Variants in BEND7 observed in about 807,000 individuals in gnomAD.
The protein encoded by BEND7 is BEN domain-containing protein 7.
Under a neutral mutation model 50.9 loss-of-function variants are expected in BEND7, and 28 were observed. The observed-to-expected ratio is 0.55, with a 90% CI of 0.41 to 0.75. The LOEUF is 0.75. BEND7 is among the 30% of genes least tolerant of loss of function. The probability of loss-of-function intolerance (pLI) is 0.00; values close to 1 mark genes in which losing one functional copy is unlikely to be tolerated. For synonymous variants in BEND7, 170 were observed against 183.9 expected (o/e 0.92, Z 0.61); for missense variants, 477 against 491.3 (o/e 0.97, Z 0.28).
intron 2 of BEND7, among the ~76,000 whole-genome samples, chr10:13,501,241 G>T (rs1473081332): frequency 6.6e-6 from 1 of 151,882 alleles, no homozygotes; most frequent in Non-Finnish European, 1.5e-5. Context: ...AGGCGTGGTG[G>T]CACATGCCTG....
chr10:13,481,148 C>A, intron 5 of BEND7, 24 bp from the exon 6 acceptor site: 1 of 1,608,350 alleles, frequency 6.2e-7, no homozygotes, highest in South Asian at 1.1e-5. Context: ...ACAGATATTT[C>A]ATTAAAAGCA....
At chr10:13,511,912 C>A (rs952807520) in intron 2 of BEND7, among the ~76,000 whole-genome samples, 3 of 152,188 alleles carry the variant, frequency 2.0e-5, no homozygotes, top group African/African-American at 7.2e-5. Context: ...AAGGAACTAG[C>A]TGAATGGCAG....
intron 5 of BEND7, among the ~76,000 whole-genome samples, chr10:13,488,595 C>T (rs1184515577): frequency 6.6e-6 from 1 of 152,206 alleles, no homozygotes; most frequent in Non-Finnish European, 1.5e-5. Context: ...TCAAGCGATT[C>T]TCCTGCCTCA....
intron 5 of BEND7, among the ~76,000 whole-genome samples, chr10:13,492,207 T>G (rs2076712389): frequency 6.6e-6 from 1 of 152,232 alleles, no homozygotes; most frequent in Admixed American, 6.5e-5. Context: ...TCCTTTTTTA[T>G]TATTAGTTTG....
At chr10:13,474,470 G>A (rs558778893) in intron 6 of BEND7, among the ~76,000 whole-genome samples, 36 of 151,990 alleles carry the variant, frequency 2.4e-4, no homozygotes, top group Admixed American at 5.3e-4. Flanking sequence ...GTCAATACCC[G>A]TCATCACTGT....
rs74832601 is a variant in BEND7 at position 13,489,211 on chromosome 10, G to A, written c.837+3400C>T. Among the ~76,000 whole-genome samples, 706 of 152,236 alleles carry A rather than the reference G, an allele frequency of 4.6e-3. 5 individuals are homozygous for A. Among genetic ancestry groups the A allele is most frequent in the African/African-American group, 0.016 (680 of 41,516 alleles). ...GGAGGGGTCAGGTTCATTGCTCAGGGTCACACAGCTGAGAGTCTAACCCAG... is the reference window on the plus strand; with the variant it reads ...GGAGGGGTCAGGTTCATTGCTCAGGATCACACAGCTGAGAGTCTAACCCAG... On this transcript the variant is annotated intron_variant, in intron 5 of 8. Coordinates refer to ENST00000466271, the MANE Select transcript of BEND7 (RefSeq NM_001369863.1).
intron 6 of BEND7, among the ~76,000 whole-genome samples, chr10:13,465,277 G>C (rs1013182412): frequency 6.6e-6 from 1 of 152,192 alleles, no homozygotes; most frequent in Admixed American, 6.5e-5. Context: ...TCAGAATTTA[G>C]CACAGTTCAT....
At chr10:13,439,981 A>T (rs1170851489), downstream of BEND7, among the ~76,000 whole-genome samples, 2 of 152,120 alleles carry the variant, frequency 1.3e-5, no homozygotes, top group African/African-American at 4.8e-5. Flanking sequence ...GTGTCTGCCC[A>T]GTTGGTGTTC....
chr10:13,480,728 A>G, intron 6 of BEND7, 171 bp downstream of exon 6: 1 of 985,420 alleles, frequency 1.0e-6, no homozygotes. Context: ...TTCTAGTGGT[A>G]CTTGGGGTGG....
chr10:13,463,224 A>G (rs2073892077), intron 6 of BEND7, among the ~76,000 whole-genome samples: 1 of 152,230 alleles, frequency 6.6e-6, no homozygotes, highest in Admixed American at 6.5e-5. Flanking sequence ...TAGCATTCCA[A>G]TAATGGAACA....
intron 6 of BEND7, among the ~76,000 whole-genome samples, chr10:13,474,823 C>T (rs888958051): frequency 1.2e-4 from 18 of 152,192 alleles, no homozygotes; most frequent in African/African-American, 3.6e-4. Context: ...GGACTCTGGT[C>T]GATACTCATC....
At chr10:13,506,221 C>T (rs952934011) in intron 2 of BEND7, among the ~76,000 whole-genome samples, 1 of 152,174 alleles carries the variant, frequency 6.6e-6, no homozygotes, top group Non-Finnish European at 1.5e-5. Context: ...ATGGCACGCT[C>T]TGCTTCCTTG....
In BEND7 at chr10:13,510,298, T is replaced by C. The variant is rs558398061; in HGVS notation, c.146-10218A>G. ...CTTTTCCTTTCTATGTAATTATAGA[T>C]TCAAAAAGCCCATTTTTGGTGATAG... On this transcript the variant is annotated intron_variant, in intron 2 of 8. Transcript: ENST00000466271. 2.4e-4 allele frequency among the ~76,000 whole-genome samples: 37 copies of C among 152,330 alleles called. 1 individual carries two copies. The highest frequency in any genetic ancestry group is 8.7e-4 in the African/African-American group (36 of 41,574).
At chr10:13,477,166 ACT>A (rs2075509764) in intron 6 of BEND7, among the ~76,000 whole-genome samples, 1 of 151,966 alleles carries the variant, frequency 6.6e-6, no homozygotes, top group Non-Finnish European at 1.5e-5. Context: ...TGTTTTAACC[ACT>A]CTAATAATCA....
At chr10:13,488,320 TAAC>T (rs150415226) in intron 5 of BEND7, among the ~76,000 whole-genome samples, 4,401 of 151,788 alleles carry the variant, frequency 0.029, 219 homozygotes, top group African/African-American at 0.1. Context: ...AAACGAAAAG[TAAC>T]AACAACAAGA....
intron 2 of BEND7, among the ~76,000 whole-genome samples, chr10:13,519,510 C>T (rs926923438): frequency 4.0e-5 from 6 of 151,730 alleles, no homozygotes; most frequent in Admixed American, 2.6e-4. Context: ...GAAAAGATAA[C>T]TCCTAAATCT....
At chr10:13,452,987 T>C (rs1838110596) in intron 6 of BEND7, among the ~76,000 whole-genome samples, 1 of 152,234 alleles carries the variant, frequency 6.6e-6, no homozygotes, top group South Asian at 2.1e-4. Context: ...ACTGACCTTA[T>C]GACAAGGTTT....
At chr10:13,501,417 C>CAAT (rs2077456235) in intron 2 of BEND7, among the ~76,000 whole-genome samples, 1 of 149,034 alleles carries the variant, frequency 6.7e-6, no homozygotes, top group Non-Finnish European at 1.5e-5. Context: ...TATTTTCTAT[C>CAAT]AATAATAATA....
At chr10:13,525,170 G>A (rs754225315) in intron 2 of BEND7, among the ~76,000 whole-genome samples, 1 of 152,172 alleles carries the variant, frequency 6.6e-6, no homozygotes, top group Non-Finnish European at 1.5e-5. Context: ...GGATTGCAGA[G>A]GTCCAAGATG....
Sources: allele counts gnomAD v4.1 joint callset (sites outside exome capture counted in the v4.1 genomes callset), GRCh38; gene constraint gnomAD v4.1.1; transcripts MANE v1.5; gene names NCBI Gene and HGNC (gene_info 2026-07-23, HGNC 2026-07-21).